MACC1: variants seen among roughly 807,000 people sequenced by gnomAD.
MACC1 encodes the protein MET transcriptional regulator MACC1.
MACC1 carries 79 observed loss-of-function variants against 70.7 expected under a neutral mutation model. The ratio of observed to expected loss-of-function variants is 1.12; its 90% CI spans 0.93 to 1.35. The LOEUF is 1.35. MACC1 is among the 40% of genes most tolerant of loss of function. The pLI, the probability that MACC1 is intolerant of heterozygous loss-of-function variation, is 0.00. For synonymous variants in MACC1, 361 were observed against 347.2 expected (o/e 1.04, Z -0.44); for missense variants, 1,106 against 978.1 (o/e 1.13, Z -1.74).
intron 2 of MACC1, among the ~76,000 whole-genome samples, chr7:20,169,447 C>T (rs974020381): frequency 3.4e-4 from 52 of 152,144 alleles, no homozygotes; most frequent in African/African-American, 9.9e-4. Context: ...GTGGACAAGA[C>T]GTGGGTTTAT....
Position 20,158,596 on chromosome 7 carries a change from T to G in MACC1, c.1765A>C (p.Ile589Leu). The G allele has an allele frequency of 6.2e-7, 1 of 1,614,044 alleles. No individual in the cohort carries two copies. The highest frequency in any genetic ancestry group is 1.1e-5 in the South Asian group (1 of 91,062). Residue 589 changes from isoleucine (I) to leucine (L), a missense_variant, in exon 5 of 7, where the codon ATT becomes CTT. Transcript: ENST00000400331. The part of the protein sequence containing the change: ...ALLGEGKVKA[I>L]GQSKVKEWYV... ...CATTCTTTCACTTTGGACTGACCAA[T>G]AGCTTTTACCTTACCTTCCCCGAGG...
chr7:20,139,531 T>C lies in MACC1; in HGVS notation c.*1415A>G, dbSNP rs781460109. 10 of 152,228 alleles carry C rather than the reference T, an allele frequency of 6.6e-5. No individual in the cohort carries two copies. The highest frequency in any genetic ancestry group is 2.0e-4 in the Admixed American group (3 of 15,270). 9.4% of individuals were successfully genotyped at this position (152,228 alleles called of 1,614,324 possible). On this transcript the variant is annotated 3_prime_UTR_variant, in exon 7 of 7. Coordinates refer to ENST00000400331, the MANE Select transcript of MACC1 (RefSeq NM_182762.4). ...GTCATTTTTTAAAATTATCTATTAC[T>C]TAGCACTACTAAAGTCAGAGTTCAT...
chr7:20,196,371 G>A (rs1473384211), intron 1 of MACC1, among the ~76,000 whole-genome samples: 2 of 151,900 alleles, frequency 1.3e-5, no homozygotes, highest in Non-Finnish European at 2.9e-5. Context: ...TAGTAGAGAC[G>A]GGGTTTCACC....
chr7:20,183,157 C>T (rs1782535767), intron 1 of MACC1, among the ~76,000 whole-genome samples: 1 of 152,084 alleles, frequency 6.6e-6, no homozygotes, highest in Non-Finnish European at 1.5e-5. Context: ...ATGAAGTAGG[C>T]CCTTTAAAAG....
chr7:20,152,888 G>C (rs995198469), intron 6 of MACC1, among the ~76,000 whole-genome samples: 10 of 152,166 alleles, frequency 6.6e-5, no homozygotes, highest in Admixed American at 4.6e-4. Context: ...CTTTCAATTA[G>C]ACAACTTTTT....
In MACC1 at chr7:20,165,533, A is replaced by AG. The variant is rs372775965; in HGVS notation, c.-152-1135dup. 3.3e-3 allele frequency among the ~76,000 whole-genome samples: 283 copies of AG among 86,574 alleles called. 3 individuals are homozygous for AG. The highest frequency in any genetic ancestry group is 4.0e-3 in the Non-Finnish European group (195 of 49,052). 56.8% of individuals were successfully genotyped at this position (86,574 alleles called of 152,430 possible). ...CTATGAATCCAAGGAGAGGTGGTAT[A>AG]GGGGAAAAAAAAAAATCCTCGACTG... On this transcript the variant is annotated intron_variant, in intron 2 of 6. Coordinates refer to ENST00000400331, the MANE Select transcript of MACC1 (RefSeq NM_182762.4).
At chr7:20,211,715 T>C (rs944088857) in intron 1 of MACC1, among the ~76,000 whole-genome samples, 1 of 152,228 alleles carries the variant, frequency 6.6e-6, no homozygotes, top group African/African-American at 2.4e-5. Flanking sequence ...CAATATCTCA[T>C]AAAGTTGAAG....
chr7:20,154,096 C>G (rs551071601), intron 6 of MACC1, 97 bp downstream of exon 6: 3 of 1,260,364 alleles, frequency 2.4e-6, no homozygotes, highest in African/African-American at 2.9e-5. Flanking sequence ...CTTGGACATT[C>G]CCCCAGTGAA....
chr7:20,166,975 A>G lies in MACC1; in HGVS notation c.-152-2576T>C, dbSNP rs1413763588. ...AGTCAAGGAACATATCCAGAAATCT[A>G]GATCTGGAAGAAAAGGTATAAAGGA... On this transcript the variant is annotated intron_variant, in intron 2 of 6. Transcript: ENST00000400331. Among the ~76,000 whole-genome samples the G allele has an allele frequency of 5.9e-5, 9 of 152,228 alleles. 1 individual carries two copies. Among genetic ancestry groups the G allele is most frequent in the Non-Finnish European group, 1.3e-4 (9 of 68,044 alleles).
At chr7:20,213,266 CA>C (rs1160767483) in intron 1 of MACC1, among the ~76,000 whole-genome samples, 1 of 152,040 alleles carries the variant, frequency 6.6e-6, no homozygotes, top group Non-Finnish European at 1.5e-5. Context: ...ACTAAAAAGT[CA>C]AAAAATAACA....
intron 2 of MACC1, among the ~76,000 whole-genome samples, chr7:20,169,596 A>T (rs1782271818): frequency 6.6e-6 from 1 of 152,194 alleles, no homozygotes; most frequent in Non-Finnish European, 1.5e-5. Context: ...AGGAGACCTC[A>T]CTGGTTGTCA....
At chr7:20,213,958 A>G (rs1192315596) in intron 1 of MACC1, among the ~76,000 whole-genome samples, 3 of 152,220 alleles carry the variant, frequency 2.0e-5, no homozygotes, top group African/African-American at 7.2e-5. Flanking sequence ...GGCTGTCACT[A>G]TAATTATTAT....
At chr7:20,173,887 A>G (rs547090126) in intron 1 of MACC1, among the ~76,000 whole-genome samples, 1 of 152,288 alleles carries the variant, frequency 6.6e-6, no homozygotes, top group South Asian at 2.1e-4. Context: ...CTGTCTTTTG[A>G]GGAGCAGTTG....
intron 3 of MACC1, among the ~76,000 whole-genome samples, chr7:20,164,028 C>T (rs1267150823): frequency 6.6e-6 from 1 of 152,212 alleles, no homozygotes; most frequent in African/African-American, 2.4e-5. Context: ...ACTCTACTTC[C>T]TAGGTTCAAG....
At chr7:20,217,086 G>T (rs553243410) in intron 1 of MACC1, among the ~76,000 whole-genome samples, 9 of 152,104 alleles carry the variant, frequency 5.9e-5, no homozygotes, top group Admixed American at 2.0e-4. Flanking sequence ...TCTAAACCAT[G>T]TCTCAAGGTA....
intron 3 of MACC1, among the ~76,000 whole-genome samples, chr7:20,162,379 A>G (rs1290980337): frequency 6.6e-6 from 1 of 152,136 alleles, no homozygotes; most frequent in African/African-American, 2.4e-5. Context: ...TATTTATTGC[A>G]TAGAGCATAT....
intron 6 of MACC1, among the ~76,000 whole-genome samples, chr7:20,152,176 C>G (rs1310547704): frequency 1.3e-5 from 2 of 152,132 alleles, no homozygotes; most frequent in Non-Finnish European, 2.9e-5. Flanking sequence ...AGCGAAACAG[C>G]TCAACTGCAG....
intron 1 of MACC1, among the ~76,000 whole-genome samples, chr7:20,180,320 G>A (rs529273543): frequency 4.7e-4 from 71 of 151,914 alleles, no homozygotes; most frequent in African/African-American, 1.6e-3. Flanking sequence ...GCACGTGCCC[G>A]TAGTCCCAGC....
chr7:20,157,766 CAAAAAA>C (rs370288319), intron 5 of MACC1, among the ~76,000 whole-genome samples: 1 of 53,916 alleles, frequency 1.9e-5, no homozygotes, highest in Non-Finnish European at 4.1e-5. Context: ...GACTTTGTCT[CAAAAAA>C]AAAAAAAAAA....
Sources: gnomAD v4.1 joint callset for allele counts (sites outside exome capture counted in the v4.1 genomes callset) on GRCh38, gnomAD v4.1.1 for gene constraint, MANE v1.5 for transcripts, NCBI Gene and HGNC (gene_info 2026-07-23, HGNC 2026-07-21) for gene names.